Variants in MAP7D2 observed in about 807,000 individuals in gnomAD.
MAP7D2 encodes MAP7 domain containing 2.
A neutral mutation model predicts 63.5 loss-of-function variants in MAP7D2; 33 were observed. The ratio of observed to expected loss-of-function variants is 0.52; its 90% confidence interval spans 0.39 to 0.70. The LOEUF (loss-of-function observed/expected upper bound fraction) is 0.70, where lower values mean the gene tolerates loss of function less well. Among genes scored for constraint, MAP7D2 ranks in the 30% least tolerant of loss-of-function variants. The pLI is 0.00. For missense variants in MAP7D2, 626 were observed against 604.0 expected, an observed-to-expected ratio of 1.04 and a Z score of -0.38; for synonymous variants, 224 against 223.7, an observed-to-expected ratio of 1.00 and a Z score of -0.01.
chrX:20,044,251 G>T, intron 7 of MAP7D2, 113 bp downstream of exon 7: 1 of 768,182 alleles, frequency 1.3e-6, no homozygotes, highest in Non-Finnish European at 1.9e-6. Context: ...CCTGCTTTGA[G>T]CAGTCCCAGG....
At chrX:20,016,071 C>T in intron 11 of MAP7D2, 23 bp downstream of exon 11, 1 of 1,165,402 alleles carries the variant, frequency 8.6e-7, no homozygotes, top group South Asian at 1.9e-5. Flanking sequence ...CAAGTAAAGT[C>T]CATCTGAGGA....
chrX:20,034,237 A>C (rs1474879539), intron 8 of MAP7D2, among the ~76,000 whole-genome samples: 3 of 105,092 alleles, frequency 2.9e-5, no homozygotes, highest in Non-Finnish European at 5.9e-5. Flanking sequence ...AAAAAAAAAA[A>C]AAAAAAAAAA....
Position 20,008,384 on chromosome X carries a change from G to A in MAP7D2, c.*41C>T, listed in dbSNP as rs1247764218. 8.9e-6 allele frequency: 1 copy of A among 111,875 alleles called. No individual in the cohort carries two copies. The highest frequency in any genetic ancestry group is 1.9e-5 in the Non-Finnish European group (1 of 53,192). 9.2% of individuals were successfully genotyped at this position (111,875 alleles called of 1,213,427 possible). A position where few individuals can be genotyped will look rare whatever the true frequency, so the allele number is the denominator to read the frequency against. On this transcript the variant is annotated 3_prime_UTR_variant, in exon 17 of 17. Coordinates refer to ENST00000379643, the MANE Select transcript of MAP7D2 (RefSeq NM_001168465.2). ...CGGATTTGACTATCAGCAGCTTTAC[G>A]GGTTCTCCAAACACCTGTGTCAATT... is the stretch of plus-strand genomic sequence containing the variant.
intron 1 of MAP7D2, among the ~76,000 whole-genome samples, chrX:20,070,444 G>A (rs903940116): frequency 9.1e-6 from 1 of 110,246 alleles, no homozygotes; most frequent in African/African-American, 3.3e-5. Context: ...TTATAGCTGC[G>A]TGTGGATTGA....
In MAP7D2 at chrX:20,013,145, G is replaced by A. The variant is rs763251119; in HGVS notation, c.1807-13C>T. The A allele has an allele frequency of 2.6e-6, 3 of 1,169,855 alleles. No homozygotes were observed. The highest frequency in any genetic ancestry group is 3.5e-6 in the Non-Finnish European group (3 of 860,167). On this transcript the variant is annotated splice_polypyrimidine_tract_variant and intron_variant, in intron 13 of 16. Transcript: ENST00000379643. Reference sequence around the variant, plus strand: ...TGGGGTCTTCTTTCTGAAAACAAATGGAAGGTGAATGAAATGAGGGAAGGC... The same window carrying A: ...TGGGGTCTTCTTTCTGAAAACAAATAGAAGGTGAATGAAATGAGGGAAGGC...
chrX:20,040,341 CCTGA>C (rs1007434226), intron 8 of MAP7D2, among the ~76,000 whole-genome samples: 4 of 111,853 alleles, frequency 3.6e-5, no homozygotes, highest in South Asian at 3.8e-4. Flanking sequence ...TCTGGAGAAC[CCTGA>C]CTAACACAGG....
chrX:20,019,025 CTTT>C (rs377008672), intron 10 of MAP7D2, among the ~76,000 whole-genome samples: 1 of 104,262 alleles, frequency 9.6e-6, no homozygotes, highest in African/African-American at 3.5e-5. Flanking sequence ...GTGTGTAGTC[CTTT>C]TTTTTTTTTC....
chrX:20,022,656 C>T (rs1349114826), intron 10 of MAP7D2, among the ~76,000 whole-genome samples: 1 of 111,621 alleles, frequency 9.0e-6, no homozygotes, highest in Non-Finnish European at 1.9e-5. Context: ...CTGAGAGTAG[C>T]ACTGAGACTT....
chrX:20,048,138 G>T (rs7885754), intron 6 of MAP7D2, among the ~76,000 whole-genome samples: 41,714 of 110,514 alleles, frequency 0.38, 8,086 homozygotes, highest in African/African-American at 0.75. Context: ...ACCTGGGAAC[G>T]TACATTTTAG....
intron 10 of MAP7D2, among the ~76,000 whole-genome samples, chrX:20,018,784 C>A (rs2073516885): frequency 9.0e-6 from 1 of 110,882 alleles, no homozygotes; most frequent in Non-Finnish European, 1.9e-5. Context: ...CTTAACCACA[C>A]TTTGCTTCCC....
chrX:20,040,615 C>T (rs2064628310), intron 8 of MAP7D2, among the ~76,000 whole-genome samples: 1 of 111,149 alleles, frequency 9.0e-6, no homozygotes, highest in Non-Finnish European at 1.9e-5. Flanking sequence ...TTCAATATTA[C>T]TCTGTCTCAG....
chrX:20,095,651 GATGT>G (rs943657768), intron 1 of MAP7D2, among the ~76,000 whole-genome samples: 1 of 111,814 alleles, frequency 8.9e-6, no homozygotes, highest in African/African-American at 3.2e-5. Context: ...GACTCAAATA[GATGT>G]ATGCACACCT....
chrX:20,012,419 G>A lies in MAP7D2; in HGVS notation c.2002C>T (p.Leu668=). The A allele has an allele frequency of 8.3e-7, 1 of 1,209,910 alleles. No individual in the cohort carries two copies. Among genetic ancestry groups the A allele is most frequent in the East Asian group, 3.0e-5 (1 of 33,815 alleles). The change falls in exon 15 of 17, where the codon CTG becomes TTG. Residue 668 remains leucine, a synonymous_variant. Transcript: ENST00000379643. ...TTTGATTTCCCATCAAGGGCATCCA[G>A]ATGAATGAGTCCCCCAGCTGGCTTA... ...GLKPAGGLIH[L]DALDGKSNSL...
chrX:20,114,729 G>A (rs188799472), intron 1 of MAP7D2, among the ~76,000 whole-genome samples: 11 of 111,984 alleles, frequency 9.8e-5, no homozygotes, highest in African/African-American at 2.9e-4. Context: ...CAAAATTGTT[G>A]GACAGCCTAA....
chrX:20,018,873 G>A (rs2073522429), intron 10 of MAP7D2, among the ~76,000 whole-genome samples: 1 of 111,565 alleles, frequency 9.0e-6, no homozygotes, highest in Non-Finnish European at 1.9e-5. Flanking sequence ...TCCTCTCCGA[G>A]GATGAGCATT....
intron 1 of MAP7D2, among the ~76,000 whole-genome samples, chrX:20,078,091 G>A (rs1009704668): frequency 8.9e-6 from 1 of 111,914 alleles, no homozygotes; most frequent in South Asian, 3.7e-4. Flanking sequence ...GAACTCCTGC[G>A]CCAGTAACTC....
chrX:20,031,453 G>A (rs1387479760), intron 8 of MAP7D2, among the ~76,000 whole-genome samples: 3 of 107,169 alleles, frequency 2.8e-5, no homozygotes, highest in African/African-American at 1.0e-4. Context: ...CCTGGACCAT[G>A]AAAAAAAAAA....
intron 1 of MAP7D2, among the ~76,000 whole-genome samples, chrX:20,097,443 A>G (rs570506750): frequency 3.6e-5 from 4 of 111,587 alleles, no homozygotes; most frequent in South Asian, 7.5e-4. Context: ...TTCTTCTTCT[A>G]TGTCTGTGGA....
intron 3 of MAP7D2, 71 bp downstream of exon 3, chrX:20,063,343 A>T (rs1224059498): frequency 5.3e-6 from 6 of 1,125,098 alleles, no homozygotes; most frequent in Non-Finnish European, 7.2e-6. Flanking sequence ...AGAGCTGGGC[A>T]GGATGCCCAG....
Sources: gnomAD v4.1 joint callset for allele counts (sites outside exome capture counted in the v4.1 genomes callset) on GRCh38, gnomAD v4.1.1 for gene constraint, MANE v1.5 for transcripts, NCBI Gene and HGNC (gene_info 2026-07-23, HGNC 2026-07-21) for gene names.